The following MDM4 variants were observed in gnomAD, a reference collection of about 807,000 sequenced individuals.
The protein encoded by MDM4 is MDM4 regulator of p53, also known as protein Mdm4.
In MDM4, 2 loss-of-function variants were observed where a neutral mutation model predicts 60.2. That is an observed-to-expected ratio of 0.03 (90% CI 0.01 to 0.10). The LOEUF is 0.10. Among genes scored for constraint, MDM4 ranks in the 10% least tolerant of loss-of-function variants. The probability of loss-of-function intolerance (pLI) is 1.00; values close to 1 mark genes in which losing one functional copy is unlikely to be tolerated. For missense variants in MDM4, 447 were observed against 577.5 expected (o/e 0.77, Z 2.32); for synonymous variants, 202 against 198.1 (o/e 1.02, Z -0.17).
At chr1:204,539,349 T>C (rs1480735653) in intron 7 of MDM4, among the ~76,000 whole-genome samples, 1 of 152,032 alleles carries the variant, frequency 6.6e-6, no homozygotes, top group Non-Finnish European at 1.5e-5. Context: ...AAGCCAAGAA[T>C]GAGATATAAG....
chr1:204,524,882 C>T (rs1659960079), intron 1 of MDM4, among the ~76,000 whole-genome samples: 1 of 152,204 alleles, frequency 6.6e-6, no homozygotes, highest in East Asian at 1.9e-4. Flanking sequence ...CTGTATTTCA[C>T]TTCATGCTAC....
Position 204,551,005 on chromosome 1 carries a change from T to G in MDM4, c.*1323T>G, listed in dbSNP as rs190308343. 5.4e-6 allele frequency: 1 copy of G among 186,060 alleles called. No individual in the cohort carries two copies. The highest frequency in any genetic ancestry group is 8.6e-5 in the East Asian group (1 of 11,564). The allele number at this position is 186,060 out of a possible 1,614,324, so 11.5% of individuals were successfully genotyped here. On this transcript the variant is annotated 3_prime_UTR_variant, in exon 11 of 11. Coordinates refer to ENST00000367182, the MANE Select transcript of MDM4 (RefSeq NM_002393.5). ...AATTCAGATAAACACACAAACATAC[T>G]TCTCTGGCACAGCCTTCAGAAGCAT...
chr1:204,533,481 C>T (rs1304741761), intron 5 of MDM4, among the ~76,000 whole-genome samples: 2 of 152,126 alleles, frequency 1.3e-5, no homozygotes, highest in African/African-American at 4.8e-5. Context: ...CTCAGCCTCC[C>T]GAGTAGCTGG....
intron 1 of MDM4, among the ~76,000 whole-genome samples, chr1:204,523,230 G>A (rs1424102920): frequency 6.7e-6 from 1 of 149,844 alleles, no homozygotes; most frequent in East Asian, 2.0e-4. Context: ...AGCACTTTGG[G>A]AGGCTGAGGC....
Position 204,557,686 on chromosome 1 carries a change from G to A in MDM4, c.*8004G>A, listed in dbSNP as rs1280422263. 1.1e-5 allele frequency: 2 copies of A among 180,152 alleles called. No individual in the cohort carries two copies. Among genetic ancestry groups the A allele is most frequent in the Admixed American group, 6.3e-5 (1 of 15,918 alleles). The allele number at this position is 180,152 out of a possible 1,614,324, so 11.2% of individuals were successfully genotyped here. On this transcript the variant is annotated 3_prime_UTR_variant, in exon 11 of 11. Coordinates refer to ENST00000367182, the MANE Select transcript of MDM4 (RefSeq NM_002393.5). ...CAAAGTACTGGGATTACAGGCGTGAGCAACTGCTCCTGGCCCAAAACATCT... is the reference window on the plus strand; with the variant it reads ...CAAAGTACTGGGATTACAGGCGTGAACAACTGCTCCTGGCCCAAAACATCT...
chr1:204,539,965 G>A (rs1661866667), intron 7 of MDM4, among the ~76,000 whole-genome samples: 3 of 152,262 alleles, frequency 2.0e-5, no homozygotes, highest in East Asian at 1.9e-4. Flanking sequence ...TTCAGGCTAT[G>A]TGTACAAGGT....
chr1:204,525,661 C>A, intron 2 of MDM4, 65 bp downstream of exon 2: 1 of 1,123,040 alleles, frequency 8.9e-7, no homozygotes, highest in Non-Finnish European at 1.3e-6. Flanking sequence ...AAAAGTTTAG[C>A]TGTCTCATGA....
intron 3 of MDM4, among the ~76,000 whole-genome samples, chr1:204,529,959 C>T (rs1402110213): frequency 1.3e-5 from 2 of 152,172 alleles, no homozygotes; most frequent in African/African-American, 4.8e-5. Context: ...TCACTGCAAC[C>T]TCCGCTTCCC....
At chr1:204,542,420 A>T (rs1043285318) in intron 7 of MDM4, among the ~76,000 whole-genome samples, 4 of 152,246 alleles carry the variant, frequency 2.6e-5, no homozygotes, top group African/African-American at 9.6e-5. Flanking sequence ...TATAGTTTAT[A>T]CATGGTAGGA....
At chr1:204,517,516 G>T (rs570547970) in intron 1 of MDM4, among the ~76,000 whole-genome samples, 7 of 151,642 alleles carry the variant, frequency 4.6e-5, no homozygotes, top group Non-Finnish European at 8.8e-5. Context: ...TGATTCTTCT[G>T]CCTCAGCCTC....
rs962380782 is a variant in MDM4, at chr1:204,557,464, G to A, written c.*7782G>A. 6.8e-5 allele frequency: 12 copies of A among 175,450 alleles called. No homozygotes were observed. Among genetic ancestry groups the A allele is most frequent in the East Asian group, 2.0e-4 (2 of 10,154 alleles). The allele number at this position is 175,450 out of a possible 1,614,324, so 10.9% of individuals were successfully genotyped here. On this transcript the variant is annotated 3_prime_UTR_variant, in exon 11 of 11. Transcript: ENST00000367182. ...GTCACCCAGGCTGGAATGCAGTGGC[G>A]CAATCTTGGTTCACTGCAACCCCCG... is the stretch of plus-strand genomic sequence containing the variant.
intron 8 of MDM4, among the ~76,000 whole-genome samples, chr1:204,543,295 C>T (rs1662318324): frequency 6.6e-6 from 1 of 152,150 alleles, no homozygotes. Flanking sequence ...TGCTTGAGCC[C>T]AGGAGTTTGA....
At position 204,549,173 on chromosome 1, in the gene MDM4, C is replaced by T. The variant is rs1405649744; in HGVS notation, c.964C>T (p.Arg322Cys). Reference sequence around the variant, plus strand: ...CTCTCCAAGCAAGAGGTACTGTTTTCGTTGTTGGGCCTTGAGGAAGGATTG... The same window carrying T: ...CTCTCCAAGCAAGAGGTACTGTTTTTGTTGTTGGGCCTTGAGGAAGGATTG... The part of the protein sequence containing the change: ...FNSPSKRYCF[R>C]CWALRKDWYS... Residue 322 changes from arginine to cysteine, a missense_variant, in exon 11 of 11, where the codon CGT becomes TGT. By Grantham distance (180) the Arg-to-Cys change is radical (BLOSUM62 -3). This residue lies in a region of MDM4 where 21 missense variants were observed against 46.7 expected (regional missense o/e 0.45). Transcript: ENST00000367182. The T allele has an allele frequency of 1.9e-6, 3 of 1,613,826 alleles. No homozygotes were observed. Among genetic ancestry groups the T allele is most frequent in the South Asian group, 1.1e-5 (1 of 91,044 alleles).
At chr1:204,541,536 G>C (rs1662082309) in intron 7 of MDM4, among the ~76,000 whole-genome samples, 1 of 152,144 alleles carries the variant, frequency 6.6e-6, no homozygotes, top group Non-Finnish European at 1.5e-5. Flanking sequence ...CTCAAGGGGG[G>C]ATATGTAGTT....
At chr1:204,520,369 CTGCT>C (rs768577322) in intron 1 of MDM4, among the ~76,000 whole-genome samples, 24 of 104,124 alleles carry the variant, frequency 2.3e-4, no homozygotes, top group Admixed American at 2.2e-4. Flanking sequence ...TGCAACATCC[CTGCT>C]TTTTTTTTTT....
At chr1:204,525,280 A>G (rs781207437) in intron 1 of MDM4, 5 of 971,288 alleles carry the variant, frequency 5.1e-6, no homozygotes, top group Non-Finnish European at 6.1e-6. Context: ...AGAAGCTTGG[A>G]CGATTCTTAC....
intron 8 of MDM4, among the ~76,000 whole-genome samples, chr1:204,543,550 TC>T (rs4252720): frequency 2.2e-4 from 33 of 152,306 alleles, no homozygotes; most frequent in African/African-American, 7.7e-4. Flanking sequence ...GGAACACTGT[TC>T]CCCCACATTC....
intron 7 of MDM4, 25 bp downstream of exon 7, chr1:204,538,333 A>G (rs1478064315): frequency 3.9e-6 from 5 of 1,273,182 alleles, no homozygotes. Context: ...AAGGCTATAT[A>G]GACTTTTGTT....
intron 7 of MDM4, among the ~76,000 whole-genome samples, chr1:204,542,566 A>G (rs1268542967): frequency 6.6e-6 from 1 of 152,040 alleles, no homozygotes; most frequent in Non-Finnish European, 1.5e-5. Flanking sequence ...TTGATAAACG[A>G]TGATCTGTTT....
Sources: gnomAD v4.1 joint callset for allele counts (sites outside exome capture counted in the v4.1 genomes callset) on GRCh38, gnomAD v4.1.1 for gene constraint, gnomAD v4.1.1 regional missense constraint, MANE v1.5 for transcripts, NCBI Gene and HGNC (gene_info 2026-07-23, HGNC 2026-07-21) for gene names.